The following SMNDC1 variants were observed in gnomAD, a reference collection of about 807,000 sequenced individuals.
The protein encoded by SMNDC1 is survival of motor neuron-related-splicing factor 30.
SMNDC1 carries 5 observed loss-of-function variants against 29.2 expected under a neutral mutation model. The ratio of observed to expected loss-of-function variants is 0.17; its 90% CI spans 0.09 to 0.36. The LOEUF is 0.36. SMNDC1 is among the 10% of genes least tolerant of loss of function. The pLI, the probability that SMNDC1 is intolerant of heterozygous loss-of-function variation, is 1.00. For synonymous variants in SMNDC1, 80 were observed against 89.9 expected, an observed-to-expected ratio of 0.89 and a Z score of 0.62; for missense variants, 142 against 268.5, an observed-to-expected ratio of 0.53 and a Z score of 3.29.
At chr10:110,294,346 A>C (rs1188979839) in intron 5 of SMNDC1, 59 bp from the exon 6 acceptor site, 4 of 1,376,458 alleles carry the variant, frequency 2.9e-6, no homozygotes, top group Non-Finnish European at 3.9e-6. Flanking sequence ...AAAAAATTTC[A>C]AATTTTAAGT....
At chr10:110,294,800 A>C (rs910990780) in intron 5 of SMNDC1, among the ~76,000 whole-genome samples, 1 of 152,220 alleles carries the variant, frequency 6.6e-6, no homozygotes, top group African/African-American at 2.4e-5. Context: ...CTTATTCTCA[A>C]CTTCCTATAT....
At chr10:110,300,916 T>C (rs1359046372) in intron 2 of SMNDC1, among the ~76,000 whole-genome samples, 5 of 152,236 alleles carry the variant, frequency 3.3e-5, no homozygotes, top group African/African-American at 7.2e-5. Context: ...GGCAGGACTT[T>C]AGTAGATTAT....
chr10:110,294,435 C>G, intron 5 of SMNDC1, 148 bp from the exon 6 acceptor site: 1 of 621,986 alleles, frequency 1.6e-6, no homozygotes, highest in Non-Finnish European at 2.6e-6. Context: ...AAAATGGGTA[C>G]AGAAGTGGTC....
chr10:110,298,817 CATT>C (rs765426289), intron 2 of SMNDC1, 27 bp from the exon 3 acceptor site: 1 of 1,559,468 alleles, frequency 6.4e-7, no homozygotes, highest in Non-Finnish European at 8.8e-7. Flanking sequence ...AAAACTACAA[CATT>C]ATTTTTATAA....
chr10:110,296,878 C>G (rs1167673460), intron 4 of SMNDC1, among the ~76,000 whole-genome samples: 1 of 152,158 alleles, frequency 6.6e-6, no homozygotes. Flanking sequence ...TTACTAAGCT[C>G]TTACTACATG....
chr10:110,298,631 T>C lies in SMNDC1; in HGVS notation c.263+17A>G, dbSNP rs757119680. The C allele has an allele frequency of 1.0e-5, 16 of 1,586,118 alleles. No homozygotes were observed. In the Admixed American group the frequency reaches 2.6e-4, roughly 26 times the overall value. On this transcript the variant is annotated intron_variant, in intron 3 of 5. Coordinates refer to ENST00000369603, the MANE Select transcript of SMNDC1 (RefSeq NM_005871.4). ...ATTATTTCATGTTATAGTTAGAGTTTTTTTTTCTACACTTACTGTCCATCT... is the reference window on the plus strand; with the variant it reads ...ATTATTTCATGTTATAGTTAGAGTTCTTTTTTCTACACTTACTGTCCATCT...
rs1857504076 is a variant in SMNDC1 at position 110,291,907 on chromosome 10, A to G, written c.*2243T>C. The G allele has an allele frequency of 6.6e-6, 1 of 152,192 alleles. No homozygotes were observed. Among genetic ancestry groups the G allele is most frequent in the South Asian group, 2.1e-4 (1 of 4,824 alleles). 9.4% of individuals were successfully genotyped at this position (152,192 alleles called of 1,614,324 possible). ...AAGCTTTGGTAAGTTACATGCAACC[A>G]TTTCTACTTAGGGGCCCATAACTCA... On this transcript the variant is annotated 3_prime_UTR_variant, in exon 6 of 6. Coordinates refer to ENST00000369603, the MANE Select transcript of SMNDC1 (RefSeq NM_005871.4).
At chr10:110,301,948 T>C (rs1378011543) in intron 2 of SMNDC1, among the ~76,000 whole-genome samples, 2 of 152,204 alleles carry the variant, frequency 1.3e-5, no homozygotes, top group Non-Finnish European at 2.9e-5. Flanking sequence ...GATAATGCTA[T>C]TTCTAACTCC....
chr10:110,303,212 A>G (rs1857682913), intron 2 of SMNDC1, among the ~76,000 whole-genome samples: 1 of 152,244 alleles, frequency 6.6e-6, no homozygotes, highest in South Asian at 2.1e-4. Context: ...ACAGACTTGG[A>G]AATTTCTATC....
intron 3 of SMNDC1, 101 bp from the exon 4 acceptor site, chr10:110,297,829 A>G: frequency 1.0e-6 from 1 of 1,003,818 alleles, no homozygotes; most frequent in Non-Finnish European, 1.4e-6. Flanking sequence ...GTCTATAATG[A>G]AACTTCTATA....
intron 2 of SMNDC1, among the ~76,000 whole-genome samples, chr10:110,303,188 G>T (rs188683976): frequency 6.6e-6 from 1 of 152,136 alleles, no homozygotes; most frequent in Non-Finnish European, 1.5e-5. Flanking sequence ...TGTACCTCTC[G>T]TCTTGAAAAT....
At chr10:110,298,616 G>A (rs1310449042) in intron 3 of SMNDC1, 32 bp downstream of exon 3, 1 of 1,557,092 alleles carries the variant, frequency 6.4e-7, no homozygotes, top group South Asian at 1.2e-5. Context: ...ATTATTTCAT[G>A]TTATAGTTAG....
chr10:110,302,457 G>A (rs560240247), intron 2 of SMNDC1, among the ~76,000 whole-genome samples: 2 of 152,056 alleles, frequency 1.3e-5, no homozygotes, highest in African/African-American at 4.8e-5. Context: ...TCTTAATTAC[G>A]CCCAGATAAG....
At chr10:110,298,002 CT>C (rs944466949) in intron 3 of SMNDC1, among the ~76,000 whole-genome samples, 1 of 151,960 alleles carries the variant, frequency 6.6e-6, no homozygotes, top group African/African-American at 2.4e-5. Context: ...CTTTTTTTCT[CT>C]TTTTTGCGAC....
chr10:110,301,263 G>T (rs942352594), intron 2 of SMNDC1, among the ~76,000 whole-genome samples: 5 of 140,508 alleles, frequency 3.6e-5, no homozygotes, highest in Non-Finnish European at 8.2e-5. Context: ...GGGGAATGAG[G>T]GGGGGAACCC....
At chr10:110,303,735 TCA>T (rs900605210) in intron 1 of SMNDC1, 148 bp from the exon 2 acceptor site, 16 of 663,658 alleles carry the variant, frequency 2.4e-5, no homozygotes, top group Non-Finnish European at 3.3e-5. Context: ...ACCTTTACTC[TCA>T]GTTTAGACTT....
At position 110,293,333 on chromosome 10, in the gene SMNDC1, T is replaced by C. The variant is rs1211211589; in HGVS notation, c.*817A>G. 2.0e-5 allele frequency: 3 copies of C among 152,632 alleles called. No homozygotes were observed. Among genetic ancestry groups the C allele is most frequent in the Non-Finnish European group, 4.4e-5 (3 of 68,034 alleles). 9.5% of individuals were successfully genotyped at this position (152,632 alleles called of 1,614,324 possible). ...ATTTTTAATGATGAAATATTCAGTATTCTTGTTCATTAATTTAGCCTTGTG... is the reference window on the plus strand; with the variant it reads ...ATTTTTAATGATGAAATATTCAGTACTCTTGTTCATTAATTTAGCCTTGTG... On this transcript the variant is annotated 3_prime_UTR_variant, in exon 6 of 6. Transcript: ENST00000369603.
chr10:110,297,813 A>G, intron 3 of SMNDC1, 85 bp from the exon 4 acceptor site: 2 of 1,164,008 alleles, frequency 1.7e-6, no homozygotes, highest in South Asian at 1.7e-5. Flanking sequence ...TAAAATTATT[A>G]CATGTGTCTA....
intron 2 of SMNDC1, among the ~76,000 whole-genome samples, chr10:110,302,807 T>G (rs1266117001): frequency 6.6e-6 from 1 of 152,206 alleles, no homozygotes; most frequent in East Asian, 1.9e-4. Flanking sequence ...GAAATCCCAG[T>G]GCAGGTTTTC....
Sources: allele counts gnomAD v4.1 joint callset (sites outside exome capture counted in the v4.1 genomes callset), GRCh38; gene constraint gnomAD v4.1.1; transcripts MANE v1.5; gene names NCBI Gene and HGNC (gene_info 2026-07-23, HGNC 2026-07-21).